ITGB5: variants seen among roughly 807,000 people sequenced by gnomAD.
The protein encoded by ITGB5 is integrin subunit beta 5.
ITGB5 carries 38 observed loss-of-function variants against 84.8 expected under a neutral mutation model. The ratio of observed to expected loss-of-function variants is 0.45; its 90% CI spans 0.35 to 0.59. The LOEUF (loss-of-function observed/expected upper bound fraction) is 0.59, where lower values mean the gene tolerates loss of function less well. Among genes scored for constraint, ITGB5 ranks in the 20% least tolerant of loss-of-function variants. The probability of loss-of-function intolerance (pLI) is 0.01; values close to 1 mark genes in which losing one functional copy is unlikely to be tolerated. For missense variants in ITGB5, 905 were observed against 1,034.5 expected (o/e 0.87, Z 1.72); for synonymous variants, 393 against 414.4 (o/e 0.95, Z 0.63).
intron 9 of ITGB5, among the ~76,000 whole-genome samples, chr3:124,806,150 C>T (rs1309528889): frequency 6.6e-6 from 1 of 152,202 alleles, no homozygotes; most frequent in Non-Finnish European, 1.5e-5. Context: ...CTGTTGTCAA[C>T]CCATATTATT....
At chr3:124,778,684 G>A (rs2063959234) in intron 10 of ITGB5, among the ~76,000 whole-genome samples, 1 of 152,204 alleles carries the variant, frequency 6.6e-6, no homozygotes, top group Admixed American at 6.5e-5. Context: ...GGGGGATTTT[G>A]CAGATGGGAT....
intron 9 of ITGB5, among the ~76,000 whole-genome samples, chr3:124,805,772 T>C (rs1013670668): frequency 6.6e-6 from 1 of 152,042 alleles, no homozygotes; most frequent in Non-Finnish European, 1.5e-5. Flanking sequence ...TTTTAATCAC[T>C]GTTTATTTGC....
chr3:124,848,636 G>A, intron 3 of ITGB5, 78 bp from the exon 4 acceptor site: 6 of 1,485,226 alleles, frequency 4.0e-6, no homozygotes, highest in Non-Finnish European at 4.5e-6. Flanking sequence ...TGCTTTCAAA[G>A]CTAGTTTGCC....
chr3:124,784,637 C>A (rs2064054512), intron 10 of ITGB5, among the ~76,000 whole-genome samples: 1 of 152,172 alleles, frequency 6.6e-6, no homozygotes, highest in Non-Finnish European at 1.5e-5. Flanking sequence ...AGTCTAAAAC[C>A]AGCTGAGTGA....
chr3:124,775,364 G>C (rs1007662903), intron 10 of ITGB5, among the ~76,000 whole-genome samples: 2 of 151,954 alleles, frequency 1.3e-5, no homozygotes, highest in African/African-American at 4.8e-5. Flanking sequence ...ATGTGTGTGA[G>C]TGCGAGCATC....
intron 11 of ITGB5, among the ~76,000 whole-genome samples, chr3:124,770,816 C>T (rs556789857): frequency 1.1e-4 from 17 of 152,172 alleles, no homozygotes; most frequent in Admixed American, 4.6e-4. Flanking sequence ...CCCCGGAAGG[C>T]GGGCAGCTGA....
chr3:124,763,422 G>A lies in ITGB5; in HGVS notation c.*201C>T. 2 of 442,526 alleles carry A rather than the reference G, an allele frequency of 4.5e-6. No homozygotes were observed. The highest frequency in any genetic ancestry group is 7.6e-5 in the East Asian group (2 of 26,146). The allele number at this position is 442,526 out of a possible 1,614,324, so 27.4% of individuals were successfully genotyped here. A position where few individuals can be genotyped will look rare whatever the true frequency, so the allele number is the denominator to read the frequency against. ...CCCAAGCTCGGAGGGACGCAGCCTG[G>A]CATGGCTCTGGCCTAGCAGCCAGGT... On this transcript the variant is annotated 3_prime_UTR_variant, in exon 15 of 15. Transcript: ENST00000296181.
intron 5 of ITGB5, among the ~76,000 whole-genome samples, chr3:124,841,018 C>G (rs1002722214): frequency 3.3e-5 from 5 of 152,188 alleles, no homozygotes; most frequent in African/African-American, 1.2e-4. Flanking sequence ...TAAGGTTTGC[C>G]AAAATTGGTC....
In ITGB5 at chr3:124,806,058, C is replaced by G. The variant is rs370431749; in HGVS notation, c.1263+2964G>C. ...ACACAACAGACAAGAGACATTGGAA[C>G]CTCAGTCAAGTCCTCCCTCTGGCTG... On this transcript the variant is annotated intron_variant, in intron 9 of 14. Transcript: ENST00000296181. Among the ~76,000 whole-genome samples, 21 of 152,312 alleles carry G rather than the reference C, an allele frequency of 1.4e-4. No homozygotes were observed. In the East Asian group the frequency reaches 2.5e-3, roughly 18 times the overall value.
At chr3:124,888,213 G>A (rs1450481831), upstream of ITGB5, among the ~76,000 whole-genome samples, 2 of 152,014 alleles carry the variant, frequency 1.3e-5, no homozygotes, top group Non-Finnish European at 2.9e-5. Flanking sequence ...CACCGTGCCC[G>A]GCCCACTTTT....
chr3:124,886,343 G>C (rs1934806962), intron 1 of ITGB5, among the ~76,000 whole-genome samples: 1 of 152,062 alleles, frequency 6.6e-6, no homozygotes, highest in South Asian at 2.1e-4. Flanking sequence ...GAAGCAGGCG[G>C]GGGGCGGGGA....
intron 10 of ITGB5, 76 bp from the exon 11 acceptor site, chr3:124,773,988 G>T: frequency 7.6e-7 from 1 of 1,318,480 alleles, no homozygotes; most frequent in Non-Finnish European, 1.1e-6. Flanking sequence ...TGCCCCACAT[G>T]CCAGGACTGG....
rs537180546 is a variant in ITGB5, at chr3:124,849,873, A to G, written c.362-1315T>C. 4.9e-5 allele frequency among the ~76,000 whole-genome samples: 7 copies of G among 142,964 alleles called. No individual in the cohort carries two copies. In the South Asian group the frequency reaches 1.6e-3, roughly 33 times the overall value. 93.8% of individuals were successfully genotyped at this position (142,964 alleles called of 152,430 possible). ...CACTTAGAACCAACTTTAAGGCTCA[A>G]CTCATACCAGATCATTCTATCTGCC... is the stretch of plus-strand genomic sequence containing the variant. On this transcript the variant is annotated intron_variant, in intron 3 of 14. Transcript: ENST00000296181.
intron 10 of ITGB5, among the ~76,000 whole-genome samples, chr3:124,784,498 AAACAACAAC>A (rs1230713989): frequency 1.3e-5 from 2 of 152,304 alleles, no homozygotes; most frequent in East Asian, 1.9e-4. Flanking sequence ...ACCCTATCTC[AAACAACAAC>A]AACAACAAAC....
In ITGB5 at chr3:124,766,080, A is replaced by AG. The variant is rs1450485519; in HGVS notation, c.2137+145_2137+146insC. 1.9e-5 allele frequency: 16 copies of AG among 840,278 alleles called. No individual in the cohort carries two copies. The Admixed American group carries it at 2.3e-4, about 12-fold the overall frequency. The allele number at this position is 840,278 out of a possible 1,614,324, so 52.1% of individuals were successfully genotyped here. On this transcript the variant is annotated intron_variant, in intron 13 of 14. Transcript: ENST00000296181. ...GTGTCAAAAAAAAAAAAAAAAAGAA[A>AG]AAGAAGAAATTGTATCCCTCCTCTC... is the stretch of plus-strand genomic sequence containing the variant.
At position 124,822,562 on chromosome 3, in the gene ITGB5, T is replaced by C. The variant is rs116385765; in HGVS notation, c.781-1088A>G. Among the ~76,000 whole-genome samples the C allele has an allele frequency of 9.8e-3, 1,485 of 152,086 alleles. 27 individuals are homozygous for C. Among genetic ancestry groups the C allele is most frequent in the African/African-American group, 0.034 (1,414 of 41,474 alleles). On this transcript the variant is annotated intron_variant, in intron 5 of 14. Transcript: ENST00000296181. ...TTTCTCACTTGCTCCAGAGGCGGCATGGAAATAAAAAATAAATAAATCACA... is the reference window on the plus strand; with the variant it reads ...TTTCTCACTTGCTCCAGAGGCGGCACGGAAATAAAAAATAAATAAATCACA...
intron 11 of ITGB5, among the ~76,000 whole-genome samples, chr3:124,771,295 A>T (rs1018838400): frequency 6.6e-6 from 1 of 152,208 alleles, no homozygotes; most frequent in Non-Finnish European, 1.5e-5. Flanking sequence ...AAAAAAAAGG[A>T]TGTAGGACAT....
intron 3 of ITGB5, among the ~76,000 whole-genome samples, chr3:124,856,567 C>T (rs1579301627): frequency 6.6e-6 from 1 of 152,030 alleles, no homozygotes; most frequent in African/African-American, 2.4e-5. Flanking sequence ...ATTATACATA[C>T]ATTATGATAA....
intron 1 of ITGB5, chr3:124,894,344 A>T (rs1188359747): frequency 6.6e-6 from 1 of 152,140 alleles, no homozygotes; most frequent in Non-Finnish European, 1.5e-5. Flanking sequence ...CGTGTTAGCC[A>T]GGATGGTCTC....
Sources: allele counts gnomAD v4.1 joint callset (sites outside exome capture counted in the v4.1 genomes callset), GRCh38; gene constraint gnomAD v4.1.1; transcripts MANE v1.5; gene names NCBI Gene and HGNC (gene_info 2026-07-23, HGNC 2026-07-21).